ANKS1B: variants seen among roughly 807,000 people sequenced by gnomAD.
ANKS1B encodes ankyrin repeat and sterile alpha motif domain-containing protein 1B.
Under a neutral mutation model 148.3 loss-of-function variants are expected in ANKS1B, and 36 were observed. The ratio of observed to expected loss-of-function variants is 0.24; its 90% confidence interval spans 0.19 to 0.32. The LOEUF is 0.32. Ranked by LOEUF, ANKS1B falls within the 10% of genes least tolerant of loss-of-function variation. ANKS1B has a pLI of 1.00. For missense variants in ANKS1B, 1,157 were observed against 1,542.6 expected, an observed-to-expected ratio of 0.75 and a Z score of 4.19; for synonymous variants, 542 against 560.8, an observed-to-expected ratio of 0.97 and a Z score of 0.47.
chr12:99,706,744 TTGA>T (rs2055842578), intron 8 of ANKS1B: 1 of 152,098 alleles, frequency 6.6e-6, no homozygotes, highest in Non-Finnish European at 1.5e-5. Context: ...CTTTCTGGCT[TTGA>T]TGAAGTAAGC....
At chr12:99,402,877 T>A (rs1488431409) in intron 11 of ANKS1B, among the ~76,000 whole-genome samples, 2 of 144,120 alleles carry the variant, frequency 1.4e-5, no homozygotes, top group African/African-American at 5.2e-5. Flanking sequence ...TGACTTTAAG[T>A]CTTTGAGGAA....
chr12:99,195,621 G>A (rs2153889750), intron 14 of ANKS1B, among the ~76,000 whole-genome samples: 1 of 152,212 alleles, frequency 6.6e-6, no homozygotes, highest in South Asian at 2.1e-4. Flanking sequence ...AAGCTTGTAG[G>A]AGTTGGGTCA....
intron 17 of ANKS1B, among the ~76,000 whole-genome samples, chr12:98,988,068 C>T (rs997391580): frequency 2.0e-5 from 3 of 152,178 alleles, no homozygotes; most frequent in Admixed American, 2.0e-4. Flanking sequence ...TGTGAAATGA[C>T]TAAGTATAAT....
intron 15 of ANKS1B, among the ~76,000 whole-genome samples, chr12:99,143,878 C>T (rs978086082): frequency 6.6e-6 from 1 of 152,064 alleles, no homozygotes; most frequent in Non-Finnish European, 1.5e-5. Flanking sequence ...GGGCTCAGAT[C>T]TTTCTCAGCT....
At chr12:99,531,581 T>C (rs1248181350) in intron 9 of ANKS1B, among the ~76,000 whole-genome samples, 2 of 152,230 alleles carry the variant, frequency 1.3e-5, no homozygotes, top group African/African-American at 4.8e-5. Context: ...ATGGTATATA[T>C]ACCACATTTT....
chr12:99,330,254 T>C (rs887960933), intron 12 of ANKS1B, among the ~76,000 whole-genome samples: 1 of 152,016 alleles, frequency 6.6e-6, no homozygotes, highest in Admixed American at 6.6e-5. Context: ...CCCATTGTTC[T>C]TGAAAGAGTT....
At chr12:99,315,961 G>A (rs2084006290) in intron 12 of ANKS1B, among the ~76,000 whole-genome samples, 1 of 152,104 alleles carries the variant, frequency 6.6e-6, no homozygotes, top group Admixed American at 6.5e-5. Flanking sequence ...CAGAATGATA[G>A]TTTCCAGCTT....
intron 15 of ANKS1B, among the ~76,000 whole-genome samples, chr12:99,098,234 G>T (rs999635282): frequency 6.6e-6 from 1 of 152,146 alleles, no homozygotes; most frequent in Non-Finnish European, 1.5e-5. Flanking sequence ...ATGAAGATGG[G>T]TGTTGGAATC....
chr12:99,033,898 C>T (rs1204925787), intron 17 of ANKS1B, among the ~76,000 whole-genome samples: 1 of 152,130 alleles, frequency 6.6e-6, no homozygotes, highest in Non-Finnish European at 1.5e-5. Flanking sequence ...GGTAGTGATC[C>T]CTATTAGTAG....
At chr12:99,158,937 G>A (rs1232556986) in intron 14 of ANKS1B, among the ~76,000 whole-genome samples, 2 of 152,174 alleles carry the variant, frequency 1.3e-5, no homozygotes, top group Non-Finnish European at 2.9e-5. Flanking sequence ...TTCCTGGTGA[G>A]TGTGGCTGAG....
At chr12:99,128,751 CTGTT>C (rs1276737291) in intron 15 of ANKS1B, among the ~76,000 whole-genome samples, 1 of 152,132 alleles carries the variant, frequency 6.6e-6, no homozygotes, top group Non-Finnish European at 1.5e-5. Context: ...AATCCTGTCA[CTGTT>C]TGTGGTAGAA....
At chr12:99,296,232 A>T (rs1385292880) in intron 12 of ANKS1B, among the ~76,000 whole-genome samples, 2 of 152,128 alleles carry the variant, frequency 1.3e-5, no homozygotes, top group Non-Finnish European at 1.5e-5. Context: ...AAATATCATG[A>T]CTTTATACTA....
intron 15 of ANKS1B, among the ~76,000 whole-genome samples, chr12:99,130,669 C>T (rs1229726249): frequency 6.6e-6 from 1 of 152,076 alleles, no homozygotes; most frequent in Non-Finnish European, 1.5e-5. Flanking sequence ...TGCTTACTCC[C>T]CACATTTTGA....
At chr12:99,688,629 G>A (rs1389183465) in intron 8 of ANKS1B, among the ~76,000 whole-genome samples, 1 of 152,090 alleles carries the variant, frequency 6.6e-6, no homozygotes, top group Admixed American at 6.6e-5. Flanking sequence ...TTGAGGCCAG[G>A]AGTTCGAGAC....
At chr12:99,835,524 A>G (rs1379128528) in intron 1 of ANKS1B, among the ~76,000 whole-genome samples, 1 of 152,218 alleles carries the variant, frequency 6.6e-6, no homozygotes, top group Non-Finnish European at 1.5e-5. Context: ...TAGTTTGAAT[A>G]TATTTTATTT....
At chr12:99,296,420 C>A (rs1259449579) in intron 12 of ANKS1B, among the ~76,000 whole-genome samples, 1 of 152,120 alleles carries the variant, frequency 6.6e-6, no homozygotes, top group Non-Finnish European at 1.5e-5. Context: ...CTTATCATCA[C>A]TTTAAGACTT....
At chr12:99,850,289 CTCTCTCT>C (rs2087541107) in intron 1 of ANKS1B, among the ~76,000 whole-genome samples, 1 of 150,474 alleles carries the variant, frequency 6.6e-6, no homozygotes, top group Non-Finnish European at 1.5e-5. Context: ...AAGTCTCTCT[CTCTCTCT>C]CTCTCTCTCT....
chr12:99,461,762 T>G (rs919717847), intron 10 of ANKS1B, among the ~76,000 whole-genome samples: 2 of 152,234 alleles, frequency 1.3e-5, no homozygotes, highest in African/African-American at 4.8e-5. Flanking sequence ...CTGAGTGTTT[T>G]GATTTCTACT....
intron 22 of ANKS1B, among the ~76,000 whole-genome samples, 161 bp downstream of exon 22, chr12:98,798,773 G>A (rs1203883196): frequency 6.6e-6 from 1 of 152,176 alleles, no homozygotes; most frequent in Admixed American, 6.5e-5. Flanking sequence ...ATAAGTTCAA[G>A]CATAAACATG....
Sources: gnomAD v4.1 joint callset for allele counts (sites outside exome capture counted in the v4.1 genomes callset) on GRCh38, gnomAD v4.1.1 for gene constraint, MANE v1.5 for transcripts, NCBI Gene and HGNC (gene_info 2026-07-23, HGNC 2026-07-21) for gene names.